The following CTIF variants were observed in gnomAD, a reference collection of about 807,000 sequenced individuals.
CTIF encodes the protein cap binding complex dependent translation initiation factor, also known as CBP80/20-dependent translation initiation factor.
In CTIF, 21 loss-of-function variants were observed where a neutral mutation model predicts 66.0. The ratio of observed to expected loss-of-function variants is 0.32; its 90% confidence interval spans 0.23 to 0.46. The LOEUF is 0.46. CTIF is among the 20% of genes least tolerant of loss of function. The pLI is 1.00. For missense variants in CTIF, 739 were observed against 812.7 expected (o/e 0.91, Z 1.10); for synonymous variants, 345 against 326.4 (o/e 1.06, Z -0.62).
chr18:48,812,877 A>G (rs1306021660), intron 9 of CTIF, among the ~76,000 whole-genome samples: 1 of 152,038 alleles, frequency 6.6e-6, no homozygotes, highest in Non-Finnish European at 1.5e-5. Context: ...CATTTTTATT[A>G]TTATTTATTT....
intron 7 of CTIF, among the ~76,000 whole-genome samples, chr18:48,719,885 C>G (rs1420775794): frequency 6.6e-6 from 1 of 152,210 alleles, no homozygotes; most frequent in Non-Finnish European, 1.5e-5. Flanking sequence ...AGATAAGCAT[C>G]ACTCAGGCAT....
At chr18:48,843,088 C>T (rs1402133808) in intron 10 of CTIF, among the ~76,000 whole-genome samples, 1 of 151,992 alleles carries the variant, frequency 6.6e-6, no homozygotes, top group Non-Finnish European at 1.5e-5. Context: ...GGGAGCCTCC[C>T]ACCCACCCCA....
At chr18:48,724,461 C>G (rs2092368565) in intron 7 of CTIF, among the ~76,000 whole-genome samples, 2 of 152,294 alleles carry the variant, frequency 1.3e-5, no homozygotes, top group African/African-American at 2.4e-5. Flanking sequence ...CTGTCCTGCT[C>G]CCAACACTGA....
chr18:48,686,720 G>C (rs1192493473), intron 6 of CTIF, among the ~76,000 whole-genome samples: 3 of 152,146 alleles, frequency 2.0e-5, no homozygotes, highest in Non-Finnish European at 4.4e-5. Context: ...ACTTCGATCT[G>C]GTTCTGCTGT....
rs3082465 is a variant in CTIF, at chr18:48,687,305, GACACACACACACAC to G, written c.507+16594_507+16607del. On this transcript the variant is annotated intron_variant, in intron 6 of 11. Coordinates refer to ENST00000256413, the MANE Select transcript of CTIF (RefSeq NM_014772.3). Reference sequence around the variant, plus strand: ...TGTTGTTCAAAGAACTCTAGGAGGGGACACACACACACACACACACACACACACACACACACACA... The same window carrying G: ...TGTTGTTCAAAGAACTCTAGGAGGGGACACACACACACACACACACACACA... Among the ~76,000 whole-genome samples, 472 of 128,636 alleles carry G rather than the reference GACACACACACACAC, an allele frequency of 3.7e-3. 4 individuals are homozygous for G. Among genetic ancestry groups the G allele is most frequent in the African/African-American group, 0.012 (399 of 32,462 alleles). 84.4% of individuals were successfully genotyped at this position (128,636 alleles called of 152,430 possible).
chr18:48,750,243 G>A (rs1005185684), intron 7 of CTIF, among the ~76,000 whole-genome samples: 3 of 152,194 alleles, frequency 2.0e-5, no homozygotes, highest in Non-Finnish European at 4.4e-5. Flanking sequence ...TGGGCATACT[G>A]AGCCACGGGG....
rs564273786 is a variant in CTIF, at chr18:48,799,097, G to A, written c.1372-18124G>A. 1.1e-4 allele frequency among the ~76,000 whole-genome samples: 17 copies of A among 152,330 alleles called. 2 individuals are homozygous for A. Among genetic ancestry groups the A allele is most frequent in the African/African-American group, 3.1e-4 (13 of 41,574 alleles). ...GTGCCAGCCAGCAGCCTCGGGTCAC[G>A]CGGAGCAGTTCAGAAAGTCTTACTG... On this transcript the variant is annotated intron_variant, in intron 9 of 11. Transcript: ENST00000256413.
chr18:48,786,130 A>G (rs1033753054), intron 9 of CTIF, among the ~76,000 whole-genome samples: 1 of 152,120 alleles, frequency 6.6e-6, no homozygotes, highest in African/African-American at 2.4e-5. Context: ...GAGTGATCCA[A>G]CCAGCCAGCT....
intron 9 of CTIF, among the ~76,000 whole-genome samples, chr18:48,806,224 A>G (rs2068144032): frequency 2.0e-5 from 3 of 152,200 alleles, no homozygotes; most frequent in African/African-American, 4.8e-5. Context: ...TCTTTTCAGT[A>G]TAAAGAATTC....
intron 1 of CTIF, among the ~76,000 whole-genome samples, chr18:48,598,145 G>A (rs2090021211): frequency 1.3e-5 from 2 of 152,340 alleles, no homozygotes; most frequent in Admixed American, 1.3e-4. Flanking sequence ...AACCCCAGCT[G>A]AGGGTAATGG....
intron 7 of CTIF, among the ~76,000 whole-genome samples, chr18:48,742,973 C>T (rs2092567525): frequency 6.6e-6 from 1 of 152,170 alleles, no homozygotes; most frequent in Non-Finnish European, 1.5e-5. Flanking sequence ...GGTGGTTTTG[C>T]CCATTACACA....
chr18:48,574,812 C>T (rs1352596088), intron 1 of CTIF, among the ~76,000 whole-genome samples: 3 of 152,210 alleles, frequency 2.0e-5, no homozygotes, highest in Non-Finnish European at 4.4e-5. Context: ...TTTCATTAGA[C>T]ACAGCCCTGG....
chr18:48,637,444 C>T (rs116372218), intron 3 of CTIF, among the ~76,000 whole-genome samples: 3,036 of 152,284 alleles, frequency 0.02, 112 homozygotes, highest in African/African-American at 0.07. Flanking sequence ...GTCCCCATCC[C>T]GAGTCCAGCC....
At chr18:48,823,468 C>G (rs1202854567) in intron 10 of CTIF, among the ~76,000 whole-genome samples, 1 of 152,224 alleles carries the variant, frequency 6.6e-6, no homozygotes, top group Non-Finnish European at 1.5e-5. Context: ...GATCAGTCGA[C>G]TGTAAATGTG....
At chr18:48,704,778 C>G (rs918357519) in intron 6 of CTIF, among the ~76,000 whole-genome samples, 1 of 152,226 alleles carries the variant, frequency 6.6e-6, no homozygotes. Context: ...AGCCCTCTTT[C>G]CCAATCAGGC....
chr18:48,631,329 G>C (rs1225219892), intron 2 of CTIF, among the ~76,000 whole-genome samples: 1 of 152,208 alleles, frequency 6.6e-6, no homozygotes, highest in Non-Finnish European at 1.5e-5. Context: ...AACCGGGTGT[G>C]GTGGAGAACG....
At chr18:48,693,401 C>T (rs1461755038) in intron 6 of CTIF, among the ~76,000 whole-genome samples, 2 of 152,234 alleles carry the variant, frequency 1.3e-5, no homozygotes, top group Admixed American at 1.3e-4. Context: ...ATCTTTGATG[C>T]CCAGGCTGCA....
At chr18:48,800,704 G>A (rs761923153) in intron 9 of CTIF, among the ~76,000 whole-genome samples, 9 of 152,178 alleles carry the variant, frequency 5.9e-5, no homozygotes, top group Middle Eastern at 3.2e-3. Flanking sequence ...GTGTTTAGCC[G>A]TGTTTCCCTT....
Position 48,581,147 on chromosome 18 carries a change from G to A in CTIF, c.-28-38391G>A, listed in dbSNP as rs2089647109. ...ATTTTCCATTTCACAGTGAGAGAAGGTGAGACAGCAAATACTGTTTTCGCA... is the reference window on the plus strand; with the variant it reads ...ATTTTCCATTTCACAGTGAGAGAAGATGAGACAGCAAATACTGTTTTCGCA... On this transcript the variant is annotated intron_variant, in intron 1 of 11. Transcript: ENST00000256413. Among the ~76,000 whole-genome samples the A allele has an allele frequency of 2.0e-5, 3 of 152,008 alleles. No homozygotes were observed. The South Asian group carries it at 6.2e-4, about 31-fold the overall frequency.
Sources: allele counts gnomAD v4.1 joint callset (sites outside exome capture counted in the v4.1 genomes callset), GRCh38; gene constraint gnomAD v4.1.1; transcripts MANE v1.5; gene names NCBI Gene and HGNC (gene_info 2026-07-23, HGNC 2026-07-21).